The following KAZN variants were observed in gnomAD, a reference collection of about 807,000 sequenced individuals.
KAZN encodes the protein kazrin, periplakin interacting protein, also known as kazrin.
KAZN carries 40 observed loss-of-function variants against 87.4 expected under a neutral mutation model. The observed-to-expected ratio is 0.46, with a 90% CI of 0.36 to 0.60. KAZN has a LOEUF of 0.60. Ranked by LOEUF, KAZN falls within the 20% of genes least tolerant of loss-of-function variation. The probability of loss-of-function intolerance (pLI) is 0.00; values close to 1 mark genes in which losing one functional copy is unlikely to be tolerated. For missense variants in KAZN, 898 were observed against 1,073.9 expected, an observed-to-expected ratio of 0.84 and a Z score of 2.29; for synonymous variants, 466 against 458.3, an observed-to-expected ratio of 1.02 and a Z score of -0.22.
intron 2 of KAZN, among the ~76,000 whole-genome samples, chr1:14,415,241 A>T (rs1361103473): frequency 6.6e-6 from 1 of 152,124 alleles, no homozygotes; most frequent in Non-Finnish European, 1.5e-5. Context: ...ATATTTTTTT[A>T]ATTAGTAAAA....
chr1:14,379,132 C>G (rs564000563), intron 2 of KAZN, among the ~76,000 whole-genome samples: 1 of 150,760 alleles, frequency 6.6e-6, no homozygotes, highest in South Asian at 2.1e-4. Flanking sequence ...TAGACACATG[C>G]TGGGCCAGAA....
chr1:14,915,649 G>A (rs896963460), intron 1 of KAZN, among the ~76,000 whole-genome samples: 3 of 152,226 alleles, frequency 2.0e-5, no homozygotes, highest in African/African-American at 7.2e-5. Context: ...CCACAGGCAT[G>A]CATTCTCCAT....
At chr1:14,261,035 T>C (rs1650975108) in intron 2 of KAZN, among the ~76,000 whole-genome samples, 1 of 152,248 alleles carries the variant, frequency 6.6e-6, no homozygotes, top group Non-Finnish European at 1.5e-5. Flanking sequence ...GTATGGGCTC[T>C]GATTTTAATA....
chr1:14,177,802 T>C (rs1327156631), intron 1 of KAZN, among the ~76,000 whole-genome samples: 2 of 151,772 alleles, frequency 1.3e-5, no homozygotes, highest in Admixed American at 1.3e-4. Context: ...GTGTTTTTTT[T>C]TTTTTTTTTA....
At chr1:14,616,236 C>G (rs1031970472) in intron 1 of KAZN, among the ~76,000 whole-genome samples, 3 of 152,138 alleles carry the variant, frequency 2.0e-5, no homozygotes, top group Admixed American at 6.5e-5. Context: ...AGACCTCTGG[C>G]CTCTTGGTCC....
intron 1 of KAZN, among the ~76,000 whole-genome samples, chr1:14,828,550 T>C (rs1424934558): frequency 6.6e-6 from 1 of 152,196 alleles, no homozygotes; most frequent in African/African-American, 2.4e-5. Flanking sequence ...GAGAGATTCC[T>C]GAACCCTGGG....
At chr1:14,972,192 C>T (rs989515717) in intron 2 of KAZN, among the ~76,000 whole-genome samples, 3 of 152,206 alleles carry the variant, frequency 2.0e-5, no homozygotes, top group African/African-American at 7.2e-5. Context: ...GGAGCATGGC[C>T]TCCATCACTG....
At chr1:13,970,710 C>T (rs1432142669) in intron 1 of KAZN, among the ~76,000 whole-genome samples, 1 of 152,188 alleles carries the variant, frequency 6.6e-6, no homozygotes, top group Non-Finnish European at 1.5e-5. Flanking sequence ...GAGCCAATGC[C>T]TATTCTTAAC....
intron 2 of KAZN, among the ~76,000 whole-genome samples, chr1:14,224,067 A>T (rs968554002): frequency 1.3e-5 from 2 of 152,188 alleles, no homozygotes; most frequent in Non-Finnish European, 2.9e-5. Context: ...CCTTTCAACA[A>T]TATACTTCCA....
intron 1 of KAZN, among the ~76,000 whole-genome samples, chr1:13,960,774 G>A (rs1641721520): frequency 6.6e-6 from 1 of 152,164 alleles, no homozygotes; most frequent in Non-Finnish European, 1.5e-5. Flanking sequence ...GGGCTACTGG[G>A]AGTCTGTGCT....
intron 1 of KAZN, among the ~76,000 whole-genome samples, chr1:14,101,315 C>T (rs541295870): frequency 3.9e-5 from 6 of 152,298 alleles, no homozygotes; most frequent in East Asian, 1.9e-4. Context: ...CCAAATTCAC[C>T]ATTTGGAGAA....
intron 8 of KAZN, among the ~76,000 whole-genome samples, chr1:15,091,533 G>C (rs1161268988): frequency 1.3e-5 from 2 of 152,140 alleles, no homozygotes. Flanking sequence ...TGTAATTTTA[G>C]TAGAGATGGG....
At chr1:15,041,242 A>G (rs10927652) in intron 3 of KAZN, among the ~76,000 whole-genome samples, 85,629 of 149,932 alleles carry the variant, frequency 0.57, 25,292 homozygotes, top group African/African-American at 0.74. Flanking sequence ...GATTACAGGC[A>G]TGAGCCACCG....
At chr1:14,098,278 G>T (rs941066725) in intron 1 of KAZN, among the ~76,000 whole-genome samples, 2 of 152,178 alleles carry the variant, frequency 1.3e-5, no homozygotes, top group African/African-American at 4.8e-5. Flanking sequence ...AACTAAGAAG[G>T]TGGGGATGTG....
chr1:13,990,505 C>T (rs993731824), intron 1 of KAZN, among the ~76,000 whole-genome samples: 2 of 151,906 alleles, frequency 1.3e-5, no homozygotes, highest in African/African-American at 2.4e-5. Context: ...AAAATCAACA[C>T]ACTAGCTGAC....
At chr1:14,421,737 A>T (rs1665439057) in intron 2 of KAZN, among the ~76,000 whole-genome samples, 1 of 152,158 alleles carries the variant, frequency 6.6e-6, no homozygotes, top group African/African-American at 2.4e-5. Context: ...GTGACTGCCC[A>T]AAAGGAATCT....
At chr1:14,721,164 A>G (rs1169291470) in intron 1 of KAZN, among the ~76,000 whole-genome samples, 1 of 152,166 alleles carries the variant, frequency 6.6e-6, no homozygotes, top group East Asian at 1.9e-4. Context: ...TCTCGTCTTG[A>G]ATTGTGGTTC....
chr1:14,867,232 C>T (rs1469580522), intron 1 of KAZN, among the ~76,000 whole-genome samples: 1 of 152,204 alleles, frequency 6.6e-6, no homozygotes, highest in Non-Finnish European at 1.5e-5. Flanking sequence ...CTCCCCTCTC[C>T]CTCCTCTTTT....
At chr1:14,930,138 G>A (rs561311314) in intron 1 of KAZN, 452 of 911,068 alleles carry the variant, frequency 5.0e-4, no homozygotes, top group Admixed American at 7.4e-4. Flanking sequence ...GGTGGGGCCC[G>A]TCCTCAGTCT....
Sources: allele counts gnomAD v4.1 joint callset (sites outside exome capture counted in the v4.1 genomes callset), GRCh38; gene constraint gnomAD v4.1.1; transcripts MANE v1.5; gene names NCBI Gene and HGNC (gene_info 2026-07-23, HGNC 2026-07-21).